Variants in HHIPL1 observed in about 807,000 individuals in gnomAD.
The protein encoded by HHIPL1 is HHIP-like protein 1.
In HHIPL1, 43 loss-of-function variants were observed where a neutral mutation model predicts 61.8. That is an observed-to-expected ratio of 0.70 (90% CI 0.55 to 0.90). HHIPL1 has a LOEUF of 0.90. Ranked by LOEUF, HHIPL1 falls within the 40% of genes least tolerant of loss-of-function variation. HHIPL1 has a pLI of 0.00. For synonymous variants in HHIPL1, 482 were observed against 515.8 expected (o/e 0.93, Z 0.89); for missense variants, 1,056 against 1,157.7 (o/e 0.91, Z 1.28).
In HHIPL1 at chr14:99,668,466, C is replaced by G. The variant is rs1284949906; in HGVS notation, c.1730+163C>G. Among the ~76,000 whole-genome samples, 1 of 152,094 alleles carries G rather than the reference C, an allele frequency of 6.6e-6. No individual in the cohort carries two copies. Among genetic ancestry groups the G allele is most frequent in the Non-Finnish European group, 1.5e-5 (1 of 68,004 alleles). On this transcript the variant is annotated intron_variant, in intron 7 of 8. Transcript: ENST00000330710. This position sits in a 1 kb window ranked among gnomAD's most constrained non-coding sequence, Gnocchi z 4.7. ...GGGACGTGATTTGCCTCAGTTCCTC[C>G]GGCAAGGGGCAGACCCAGGATTCAG...
intron 3 of HHIPL1, 65 bp downstream of exon 3, chr14:99,657,208 C>T (rs547809795): frequency 6.4e-7 from 1 of 1,551,956 alleles, no homozygotes; most frequent in East Asian, 2.3e-5. Context: ...CATACTCTTC[C>T]AGAGGGTGAG....
Position 99,675,372 on chromosome 14 carries a change from G to T in HHIPL1, c.2095G>T (p.Val699Leu). ...GTTCGTGGGCGGACGCTGGGGCACCGTGTGCGACGACTCCTGGAACATCAG... is the reference window on the plus strand; with the variant it reads ...GTTCGTGGGCGGACGCTGGGGCACCTTGTGCGACGACTCCTGGAACATCAG... The part of the protein sequence containing the change: ...EVFVGGRWGT[V>L]CDDSWNISGA... Residue 699 changes from valine (V) to leucine (L), a missense_variant, in exon 9 of 9, where the codon GTG (valine) becomes TTG (leucine). Transcript: ENST00000330710. This position sits in a 1 kb window ranked among gnomAD's most constrained non-coding sequence, Gnocchi z 5.4. The T allele has an allele frequency of 6.6e-7, 1 of 1,511,744 alleles. No homozygotes were observed. Among genetic ancestry groups the T allele is most frequent in the Non-Finnish European group, 8.8e-7 (1 of 1,131,956 alleles). The allele number at this position is 1,511,744 out of a possible 1,614,324, so 93.6% of individuals were successfully genotyped here.
the HHIPL1 span, among the ~76,000 whole-genome samples, chr14:99,633,484 C>G: frequency 1.3e-5 from 2 of 152,166 alleles, no homozygotes; most frequent in East Asian, 3.9e-4. Context: ...GCCCCTGTGG[C>G]TTGAGACCTG....
At chr14:99,639,841 T>A in the HHIPL1 span, among the ~76,000 whole-genome samples, 1 of 139,004 alleles carries the variant, frequency 7.2e-6, no homozygotes, top group Non-Finnish European at 1.6e-5. Context: ...TTTGTATTTT[T>A]AGTACAGACT....
rs1595158589 is a variant in HHIPL1, at chr14:99,659,356, C to T, written c.1047-72C>T. The T allele has an allele frequency of 3.2e-6, 4 of 1,258,812 alleles. 1 individual carries two copies. Among genetic ancestry groups the T allele is most frequent in the South Asian group, 3.5e-5 (2 of 56,380 alleles). The allele number at this position is 1,258,812 out of a possible 1,614,324, so 78.0% of individuals were successfully genotyped here. ...TCAGCGGTCAGCCGGCGCCCCAGCA[C>T]CTGCCCCGCGGAGCCCGTGAGCCCT... On this transcript the variant is annotated intron_variant, in intron 3 of 8. Transcript: ENST00000330710.
intron 3 of HHIPL1, among the ~76,000 whole-genome samples, chr14:99,657,556 G>C (rs1030362616): frequency 3.3e-5 from 5 of 152,156 alleles, no homozygotes; most frequent in Non-Finnish European, 7.4e-5. Flanking sequence ...GGCTGGAGCA[G>C]GGTGGCAACA....
intron 8 of HHIPL1, 71 bp downstream of exon 8, chr14:99,672,470 G>A: frequency 1.5e-6 from 2 of 1,320,472 alleles, no homozygotes; most frequent in Non-Finnish European, 2.1e-6. Context: ...TGCCTTTCCA[G>A]CCAGACTCGG....
In HHIPL1 at chr14:99,652,292, C is replaced by T. The variant is rs370888384; in HGVS notation, c.324C>T (p.Pro108=). ...EDPFTPLRTV[P]GLCQDYCLDM... ...CATTCACGCCCCTGCGCACGGTGCC[C>T]GGGCTCTGCCAGGATTACTGCCTGG... The change falls in exon 2 of 9, where the codon CCC becomes CCT. Residue 108 remains proline, a synonymous_variant. Coordinates refer to ENST00000330710, the MANE Select transcript of HHIPL1 (RefSeq NM_001127258.3). 3.4e-5 allele frequency: 55 copies of T among 1,613,910 alleles called. No individual in the cohort carries two copies. The highest frequency in any genetic ancestry group is 2.5e-4 in the African/African-American group (19 of 74,944).
intron 2 of HHIPL1, 112 bp from the exon 3 acceptor site, chr14:99,656,888 G>A (rs201265814): frequency 0.47 from 5,396 of 11,386 alleles, 1,081 homozygotes; most frequent in Middle Eastern, 0.55. Flanking sequence ...AGGAAGGAAG[G>A]AAGGAAGGTC....
chr14:99,616,314 C>T, the HHIPL1 span, among the ~76,000 whole-genome samples: 1 of 152,202 alleles, frequency 6.6e-6, no homozygotes, highest in Admixed American at 6.5e-5. Context: ...ATGATGACAG[C>T]AACTAATGAC....
intron 6 of HHIPL1, among the ~76,000 whole-genome samples, chr14:99,666,784 G>A (rs1363182337): frequency 6.6e-6 from 1 of 152,222 alleles, no homozygotes; most frequent in Non-Finnish European, 1.5e-5. Flanking sequence ...TCATCACCAT[G>A]TGTGCCTACA....
chr14:99,632,343 A>T, the HHIPL1 span, among the ~76,000 whole-genome samples: 1 of 152,028 alleles, frequency 6.6e-6, no homozygotes, highest in Non-Finnish European at 1.5e-5. Context: ...CAGGGAGCTC[A>T]CTCCCTCTGG....
In HHIPL1 at chr14:99,652,679, G is replaced by C. The variant is rs756687329; in HGVS notation, c.711G>C (p.Arg237=). The change falls in exon 2 of 9, where the codon CGG becomes CGC. Residue 237 remains arginine (R), a synonymous_variant. Transcript: ENST00000330710. The part of the protein sequence containing the change: ...RLGKPFLNIS[R]VVLTSPWEGD... ...GGAAGCCTTTCCTGAACATCAGCCG[G>C]GTGGTGCTCACCTCGCCCTGGGAGG... The C allele has an allele frequency of 5.6e-6, 9 of 1,613,832 alleles. No individual in the cohort carries two copies. The African/African-American group carries it at 8.0e-5, about 14-fold the overall frequency.
the HHIPL1 span, among the ~76,000 whole-genome samples, chr14:99,606,399 C>G: frequency 2.0e-5 from 3 of 152,204 alleles, no homozygotes; most frequent in Non-Finnish European, 2.9e-5. Flanking sequence ...TTGCAGGCTC[C>G]CTGCAGAATG....
At chr14:99,637,356 G>T in the HHIPL1 span, among the ~76,000 whole-genome samples, 3 of 152,168 alleles carry the variant, frequency 2.0e-5, no homozygotes, top group African/African-American at 7.2e-5. Context: ...GAGGTCAGGA[G>T]TTTGAAACAA....
In HHIPL1 at chr14:99,668,197, A is replaced by C. The variant is rs200756180; in HGVS notation, c.1649-25A>C. 1.4e-6 allele frequency: 2 copies of C among 1,477,668 alleles called. No individual in the cohort carries two copies. Among genetic ancestry groups the C allele is most frequent in the East Asian group, 4.5e-5 (2 of 44,196 alleles). The allele number at this position is 1,477,668 out of a possible 1,614,324, so 91.5% of individuals were successfully genotyped here. ...GGACGGTATTCCAGGTGGGGGTCTC[A>C]CTAGTCACTTTGTTCTGTCCAAAGG... is the stretch of plus-strand genomic sequence containing the variant. On this transcript the variant is annotated intron_variant, in intron 6 of 8. Transcript: ENST00000330710. This position sits in a 1 kb window ranked among gnomAD's most constrained non-coding sequence, Gnocchi z 4.7.
At chr14:99,671,784 C>T (rs2056328771) in intron 7 of HHIPL1, among the ~76,000 whole-genome samples, 1 of 152,182 alleles carries the variant, frequency 6.6e-6, no homozygotes, top group South Asian at 2.1e-4. Context: ...CCTCCAGGCA[C>T]AAGGCTTGCT....
intron 1 of HHIPL1, among the ~76,000 whole-genome samples, chr14:99,646,822 G>GATATAATATA (rs1555376294): frequency 1.1e-5 from 1 of 89,444 alleles, no homozygotes; most frequent in African/African-American, 4.2e-5. Context: ...GATATGATAT[G>GATATAATATA]ATATGATATG....
intron 6 of HHIPL1, among the ~76,000 whole-genome samples, chr14:99,664,977 C>T (rs1048144445): frequency 6.7e-6 from 1 of 149,630 alleles, no homozygotes; most frequent in Non-Finnish European, 1.5e-5. Context: ...TGAAGTGGTG[C>T]AATCTCGGTT....
Sources: allele counts gnomAD v4.1 joint callset (sites outside exome capture counted in the v4.1 genomes callset), GRCh38; gene constraint gnomAD v4.1.1; non-coding constraint Gnocchi (gnomAD v3.1); transcripts MANE v1.5; gene names NCBI Gene and HGNC (gene_info 2026-07-23, HGNC 2026-07-21).